Variants in DST observed in about 807,000 individuals in gnomAD.
DST encodes the protein bullous pemphigoid antigen.
In DST, 253 loss-of-function variants were observed where a neutral mutation model predicts 875.2. The ratio of observed to expected loss-of-function variants is 0.29; its 90% confidence interval spans 0.26 to 0.32. The LOEUF is 0.32. DST is among the 10% of genes least tolerant of loss of function. DST has a pLI of 1.00. For synonymous variants in DST, 3,124 were observed against 3,197.1 expected, an observed-to-expected ratio of 0.98 and a Z score of 0.77; for missense variants, 8,287 against 9,111.6, an observed-to-expected ratio of 0.91 and a Z score of 3.68.
chr6:56,560,445 T>A, intron 57 of DST, 22 bp from the exon 58 acceptor site: 1 of 1,572,344 alleles, frequency 6.4e-7, no homozygotes, highest in Non-Finnish European at 8.6e-7. Context: ...AAAATAATAA[T>A]AAATCATGTG....
Position 56,555,550 on chromosome 6 carries a change from G to A in DST, c.14931C>T (p.Ser4977=). The change falls in exon 60 of 104, where the codon AGC becomes AGT. Residue 4977 remains serine (S), a synonymous_variant. Coordinates refer to ENST00000680361, the MANE Select transcript of DST (RefSeq NM_001374736.1). The part of the protein sequence containing the change: ...DNKLSSSLAV[S]THPDAMNQQL... ...GTTGGTTCATAGCATCAGGGTGCGTGCTCACAGCCAGACTGCTGCTGAGTT... is the reference window on the plus strand; with the variant it reads ...GTTGGTTCATAGCATCAGGGTGCGTACTCACAGCCAGACTGCTGCTGAGTT... 2 of 1,613,980 alleles carry A rather than the reference G, an allele frequency of 1.2e-6. No homozygotes were observed. Among genetic ancestry groups the A allele is most frequent in the Non-Finnish European group, 1.7e-6 (2 of 1,179,882 alleles).
intron 5 of DST, among the ~76,000 whole-genome samples, chr6:56,715,801 C>T (rs1352452316): frequency 2.0e-5 from 3 of 152,256 alleles, no homozygotes; most frequent in African/African-American, 7.2e-5. Context: ...TTCCCCAGAG[C>T]TCAGAGGAAC....
At chr6:56,675,089 C>T (rs1563611854) in intron 9 of DST, among the ~76,000 whole-genome samples, 1 of 151,992 alleles carries the variant, frequency 6.6e-6, no homozygotes, top group Non-Finnish European at 1.5e-5. Context: ...AACAGAGAGC[C>T]CAGAAATAAA....
At chr6:56,747,193 A>G (rs1018979755) in intron 4 of DST, among the ~76,000 whole-genome samples, 1 of 152,234 alleles carries the variant, frequency 6.6e-6, no homozygotes, top group African/African-American at 2.4e-5. Flanking sequence ...TCATGAATCC[A>G]GACACAGGAC....
chr6:56,664,770 G>T (rs781051532), intron 10 of DST, among the ~76,000 whole-genome samples: 1 of 152,116 alleles, frequency 6.6e-6, no homozygotes, highest in Admixed American at 6.6e-5. Context: ...TAGCAATAAG[G>T]TTGTATTATA....
At chr6:56,592,032 G>A (rs964505512) in intron 49 of DST, 150 bp downstream of exon 49, 3 of 580,916 alleles carry the variant, frequency 5.2e-6, no homozygotes, top group Admixed American at 3.5e-5. Flanking sequence ...GTACTGTGGA[G>A]AAATAGAGTC....
rs756132163 is a variant in DST at position 56,501,155 on chromosome 6, G to A, written c.19821C>T (p.Thr6607=). The A allele has an allele frequency of 6.8e-6, 11 of 1,612,476 alleles. No homozygotes were observed. Among genetic ancestry groups the A allele is most frequent in the African/African-American group, 4.0e-5 (3 of 74,800 alleles). ...LDELLAWLTH[T]EGLLSEQKPV... The stretch of plus-strand genomic sequence containing the variant: ...GTTTCTGCTCACTTAGCAAGCCCTC[G>A]GTGTGTGTCAGCCATGCCAGGAGCT... The change falls in exon 80 of 104, where the codon ACC becomes ACT. Residue 6607 remains threonine, a synonymous_variant. Transcript: ENST00000680361.
At chr6:56,674,391 G>A (rs979205372) in intron 9 of DST, among the ~76,000 whole-genome samples, 13 of 151,634 alleles carry the variant, frequency 8.6e-5, no homozygotes, top group Non-Finnish European at 2.9e-5. Flanking sequence ...TCCACCTCCC[G>A]GGTTCAAGTG....
At chr6:56,564,551 G>A (rs1478245620) in intron 55 of DST, among the ~76,000 whole-genome samples, 1 of 152,134 alleles carries the variant, frequency 6.6e-6, no homozygotes, top group Non-Finnish European at 1.5e-5. Flanking sequence ...CTTCCTGTCT[G>A]AATATCCTTT....
chr6:56,785,592 C>T (rs145965767), intron 4 of DST, among the ~76,000 whole-genome samples: 1 of 152,052 alleles, frequency 6.6e-6, no homozygotes, highest in Non-Finnish European at 1.5e-5. Context: ...GGGAGTGGCC[C>T]GATTTTCCAG....
At chr6:56,520,406 G>A (rs2096673632) in intron 69 of DST, among the ~76,000 whole-genome samples, 1 of 152,084 alleles carries the variant, frequency 6.6e-6, no homozygotes, top group Non-Finnish European at 1.5e-5. Context: ...CGGAGGGTAG[G>A]GTGGGATGGA....
intron 30 of DST, 82 bp from the exon 31 acceptor site, chr6:56,630,465 A>C (rs1483725963): frequency 8.8e-7 from 1 of 1,139,308 alleles, no homozygotes; most frequent in Non-Finnish European, 1.3e-6. Flanking sequence ...CCATTATGAC[A>C]CATGACATAA....
rs771215622 is a variant in DST, at chr6:56,553,620, T to C, written c.15172A>G (p.Ser5058Gly). Residue 5058 changes from serine (S) to glycine (G), a missense_variant, in exon 61 of 104, where the codon AGC (serine) becomes GGC (glycine). Transcript: ENST00000680361. Reference sequence around the variant, plus strand: ...GACATTTGCTGAAATTGATGAGAGCTTGCACAGGCCGACTGAAGGTGCTGG... The same window carrying C: ...GACATTTGCTGAAATTGATGAGAGCCTGCACAGGCCGACTGAAGGTGCTGG... ...HVQHLQSACA[S>G]SHQFQQMSRD... 1 of 1,613,590 alleles carries C rather than the reference T, an allele frequency of 6.2e-7. No homozygotes were observed. Among genetic ancestry groups the C allele is most frequent in the South Asian group, 1.1e-5 (1 of 91,074 alleles).
intron 78 of DST, among the ~76,000 whole-genome samples, chr6:56,502,201 C>T (rs2096154082): frequency 6.6e-6 from 1 of 152,122 alleles, no homozygotes; most frequent in South Asian, 2.1e-4. Context: ...ACTGCTGACA[C>T]AGAATGCTAT....
chr6:56,506,877 T>C (rs2096333214), intron 75 of DST, 88 bp from the exon 76 acceptor site: 1 of 1,302,642 alleles, frequency 7.7e-7, no homozygotes, highest in African/African-American at 1.5e-5. Flanking sequence ...TGGTAGTTAT[T>C]TCTAGAAGGT....
Position 56,463,024 on chromosome 6 carries a change from G to A in DST, c.23070+22C>T, listed in dbSNP as rs377636900. On this transcript the variant is annotated intron_variant, in intron 102 of 103. Transcript: ENST00000680361. ...TCAGTTAAAGGAGAATGTTAAGACT[G>A]GACTCTGGGGCCTTACAATACCTCT... 7.1e-5 allele frequency: 100 copies of A among 1,400,722 alleles called. No homozygotes were observed. In the African/African-American group the frequency reaches 1.3e-3, roughly 19 times the overall value. The allele number at this position is 1,400,722 out of a possible 1,614,324, so 86.8% of individuals were successfully genotyped here.
chr6:56,618,802 A>C, intron 36 of DST: 1 of 1,614,174 alleles, frequency 6.2e-7, no homozygotes, highest in East Asian at 2.2e-5. Flanking sequence ...TGAATTTACC[A>C]GATTCTTCCT....
At chr6:56,614,929 A>G in intron 36 of DST, 3 of 992,510 alleles carry the variant, frequency 3.0e-6, no homozygotes, top group Non-Finnish European at 3.6e-6. Flanking sequence ...CTCCTCCAAC[A>G]CATAATATTC....
At position 56,831,090 on chromosome 6, in the gene DST, T is replaced by TA. The variant is rs572032391; in HGVS notation, c.625+20306dup. ...TAAGAATCAAATTGTATCATATATG[T>TA]AAAAAAAAGTATAAAGTGCTAAAAT... On this transcript the variant is annotated intron_variant, in intron 4 of 103. Coordinates refer to ENST00000680361, the MANE Select transcript of DST (RefSeq NM_001374736.1). 8.4e-4 allele frequency among the ~76,000 whole-genome samples: 128 copies of TA among 152,084 alleles called. No individual in the cohort carries two copies. In the East Asian group the frequency reaches 0.02, roughly 24 times the overall value.
Sources: gnomAD v4.1 joint callset for allele counts (sites outside exome capture counted in the v4.1 genomes callset) on GRCh38, gnomAD v4.1.1 for gene constraint, MANE v1.5 for transcripts, NCBI Gene and HGNC (gene_info 2026-07-23, HGNC 2026-07-21) for gene names.